CCDC18: variants seen among roughly 807,000 people sequenced by gnomAD.
The protein encoded by CCDC18 is coiled-coil domain-containing protein 18.
A neutral mutation model predicts 196.0 loss-of-function variants in CCDC18; 157 were observed. That is an observed-to-expected ratio of 0.80 (90% CI 0.70 to 0.91). CCDC18 has a LOEUF of 0.91. CCDC18 is among the 40% of genes least tolerant of loss of function. CCDC18 has a pLI of 0.00. For missense variants in CCDC18, 1,465 were observed against 1,611.6 expected, an observed-to-expected ratio of 0.91 and a Z score of 1.56; for synonymous variants, 482 against 529.2, an observed-to-expected ratio of 0.91 and a Z score of 1.22.
At chr1:93,234,753 A>T (rs1255901906) in intron 18 of CCDC18, among the ~76,000 whole-genome samples, 1 of 150,258 alleles carries the variant, frequency 6.7e-6, no homozygotes, top group African/African-American at 2.5e-5. Context: ...TTGAAACTTG[A>T]GGTGGAGGGG....
In CCDC18 at chr1:93,217,874, G is replaced by A; in HGVS notation, c.1962+5G>A. The A allele has an allele frequency of 1.3e-6, 2 of 1,599,872 alleles. No homozygotes were observed. Among genetic ancestry groups the A allele is most frequent in the Non-Finnish European group, 1.7e-6 (2 of 1,172,194 alleles). On this transcript the variant is annotated splice_donor_5th_base_variant and intron_variant, in intron 14 of 28. Transcript: ENST00000690025. ...ATGGAAAAGCAGATTGAAAGAGTAA[G>A]TAATACATATTTAGAATATGAGTGC...
chr1:93,196,191 C>T (rs1173732167), intron 6 of CCDC18, among the ~76,000 whole-genome samples: 1 of 152,050 alleles, frequency 6.6e-6, no homozygotes, highest in Non-Finnish European at 1.5e-5. Context: ...GGTGTGGTGG[C>T]ACACGCCTGG....
chr1:93,222,288 G>C (rs1021456071), intron 16 of CCDC18, among the ~76,000 whole-genome samples: 1 of 151,846 alleles, frequency 6.6e-6, no homozygotes, highest in Non-Finnish European at 1.5e-5. Context: ...AGCGAATTAT[G>C]ATCTTAATTA....
intron 23 of CCDC18, among the ~76,000 whole-genome samples, chr1:93,252,632 T>C (rs984432623): frequency 1.3e-5 from 2 of 152,232 alleles, no homozygotes; most frequent in African/African-American, 4.8e-5. Flanking sequence ...GTGCCTAATA[T>C]TGTTCATTTG....
chr1:93,239,155 A>G (rs1463798271), intron 19 of CCDC18, among the ~76,000 whole-genome samples, 155 bp from the exon 20 acceptor site: 1 of 147,500 alleles, frequency 6.8e-6, no homozygotes, highest in Non-Finnish European at 1.5e-5. Context: ...AATAGTTTTT[A>G]GTTGGAGAAT....
At chr1:93,203,285 T>C (rs912770763) in intron 7 of CCDC18, among the ~76,000 whole-genome samples, 2 of 152,184 alleles carry the variant, frequency 1.3e-5, no homozygotes, top group African/African-American at 4.8e-5. Context: ...GATTGCATCA[T>C]GAATCAAAAT....
intron 23 of CCDC18, among the ~76,000 whole-genome samples, chr1:93,248,056 C>T (rs375937844): frequency 7.0e-6 from 1 of 142,594 alleles, no homozygotes; most frequent in South Asian, 2.3e-4. Context: ...TGCTCTGTCA[C>T]CCGGGCTAGA....
intron 23 of CCDC18, among the ~76,000 whole-genome samples, chr1:93,248,009 C>CTTTTTTTTTTT (rs71586785): frequency 1.4e-5 from 1 of 69,780 alleles, no homozygotes; most frequent in African/African-American, 6.5e-5. Context: ...TATTTTCCTT[C>CTTTTTTTTTTT]TTTTTTTTTT....
intron 17 of CCDC18, among the ~76,000 whole-genome samples, chr1:93,227,969 A>ATATATATATAT (rs1199036758): frequency 4.9e-4 from 50 of 101,242 alleles, no homozygotes; most frequent in South Asian, 3.5e-3. Context: ...AAAAAAAAAA[A>ATATATATATAT]AAATATATAT....
intron 6 of CCDC18, among the ~76,000 whole-genome samples, chr1:93,201,623 A>T (rs1351748079): frequency 2.6e-5 from 4 of 152,136 alleles, no homozygotes; most frequent in Non-Finnish European, 4.4e-5. Flanking sequence ...AGGGAAAAAA[A>T]AAATTGCCAA....
intron 17 of CCDC18, among the ~76,000 whole-genome samples, chr1:93,230,040 TTGGGTA>T (rs1201852324): frequency 6.6e-6 from 1 of 151,854 alleles, no homozygotes; most frequent in African/African-American, 2.4e-5. Flanking sequence ...ACTTTCTGCT[TTGGGTA>T]CATAGTGATA....
intron 6 of CCDC18, among the ~76,000 whole-genome samples, chr1:93,198,635 A>G (rs1653208481): frequency 6.6e-6 from 1 of 152,186 alleles, no homozygotes; most frequent in South Asian, 2.1e-4. Context: ...AAATCTACAG[A>G]AGATATGTAT....
intron 27 of CCDC18, among the ~76,000 whole-genome samples, chr1:93,265,572 C>T (rs987844232): frequency 2.0e-5 from 3 of 152,152 alleles, no homozygotes; most frequent in African/African-American, 7.2e-5. Flanking sequence ...TCTGTGCCAA[C>T]TCTACAACTG....
At chr1:93,276,461 CATTT>C (rs1261075163) in intron 28 of CCDC18, among the ~76,000 whole-genome samples, 1 of 151,996 alleles carries the variant, frequency 6.6e-6, no homozygotes, top group Non-Finnish European at 1.5e-5. Flanking sequence ...GCTAATTCAC[CATTT>C]ATTAGGAATT....
chr1:93,205,551 C>G lies in CCDC18; in HGVS notation c.837C>G (p.Asn279Lys). The change falls in exon 8 of 29, where the codon AAC (asparagine) becomes AAG (lysine). Residue 279 changes from asparagine (N) to lysine (K), a missense_variant. Physicochemically the swap from Asn to Lys is moderately conservative, Grantham distance 94. Coordinates refer to ENST00000690025, the MANE Select transcript of CCDC18 (RefSeq NM_001378204.1). ...AAATATTAGAGAGAAATCTAACTAA[C>G]TGTGAAAAAGAAAATAAAAGGCTAC... is the stretch of plus-strand genomic sequence containing the variant. The part of the protein sequence containing the change: ...EEEILERNLT[N>K]CEKENKRLQE... 6.3e-7 allele frequency: 1 copy of G among 1,589,400 alleles called. No homozygotes were observed. Among genetic ancestry groups the G allele is most frequent in the Non-Finnish European group, 8.6e-7 (1 of 1,163,058 alleles).
At chr1:93,258,640 TATATA>T in intron 25 of CCDC18, 103 bp from the exon 26 acceptor site, 1 of 823,520 alleles carries the variant, frequency 1.2e-6, no homozygotes, top group Non-Finnish European at 1.7e-6. Context: ...TGTCTGTGTT[TATATA>T]ATATAAAAAA....
intron 16 of CCDC18, among the ~76,000 whole-genome samples, chr1:93,224,465 G>A (rs556034525): frequency 1.3e-5 from 2 of 152,226 alleles, no homozygotes; most frequent in Admixed American, 1.3e-4. Flanking sequence ...TTATAGCCTT[G>A]CTACTCAAAG....
At chr1:93,219,657 T>G (rs1467205200) in intron 14 of CCDC18, among the ~76,000 whole-genome samples, 1 of 152,216 alleles carries the variant, frequency 6.6e-6, no homozygotes, top group African/African-American at 2.4e-5. Flanking sequence ...TCAAAACGTA[T>G]GAATTGTTTA....
intron 6 of CCDC18, among the ~76,000 whole-genome samples, chr1:93,195,053 T>C (rs532643085): frequency 6.6e-6 from 1 of 152,296 alleles, no homozygotes; most frequent in Non-Finnish European, 1.5e-5. Flanking sequence ...GTATTTTTAG[T>C]AGAGACTGGG....
Sources: allele counts gnomAD v4.1 joint callset (sites outside exome capture counted in the v4.1 genomes callset), GRCh38; gene constraint gnomAD v4.1.1; transcripts MANE v1.5; gene names NCBI Gene and HGNC (gene_info 2026-07-23, HGNC 2026-07-21).